The following XKR4 variants were observed in gnomAD, a reference collection of about 807,000 sequenced individuals.
The protein encoded by XKR4 is XK related 4.
XKR4 carries 12 observed loss-of-function variants against 53.9 expected under a neutral mutation model. The ratio of observed to expected loss-of-function variants is 0.22; its 90% confidence interval spans 0.14 to 0.36. The LOEUF (loss-of-function observed/expected upper bound fraction) is 0.36. Among genes scored for constraint, XKR4 ranks in the 10% least tolerant of loss-of-function variants. XKR4 has a pLI of 1.00. For missense variants in XKR4, 799 were observed against 859.5 expected (o/e 0.93, Z 0.88); for synonymous variants, 354 against 362.4 (o/e 0.98, Z 0.26).
chr8:55,451,677 C>G, intron 2 of XKR4: 1 of 1,536,332 alleles, frequency 6.5e-7, no homozygotes, highest in Non-Finnish European at 8.9e-7. Flanking sequence ...GCACGATCAG[C>G]AGCCCCGGGT....
intron 1 of XKR4, among the ~76,000 whole-genome samples, chr8:55,342,956 T>G (rs1017313982): frequency 1.3e-5 from 2 of 150,640 alleles, no homozygotes; most frequent in Non-Finnish European, 1.5e-5. Flanking sequence ...CAACAAATAC[T>G]TGTTGAATGA....
chr8:55,169,195 A>T (rs1308597217), intron 1 of XKR4, among the ~76,000 whole-genome samples: 2 of 152,204 alleles, frequency 1.3e-5, no homozygotes, highest in Non-Finnish European at 2.9e-5. Flanking sequence ...AAGTGTCTTC[A>T]TATGTAGTTT....
At chr8:55,420,032 C>T (rs994689359) in intron 2 of XKR4, among the ~76,000 whole-genome samples, 2 of 152,116 alleles carry the variant, frequency 1.3e-5, no homozygotes, top group African/African-American at 2.4e-5. Context: ...TATAAAAAGC[C>T]TTGGTATATT....
intron 2 of XKR4, among the ~76,000 whole-genome samples, chr8:55,522,840 G>A (rs1313684121): frequency 2.0e-5 from 3 of 152,170 alleles, no homozygotes; most frequent in Non-Finnish European, 4.4e-5. Flanking sequence ...TCACACCCAT[G>A]CTGGGTTTGA....
chr8:55,468,276 G>C (rs903857626), intron 2 of XKR4, among the ~76,000 whole-genome samples: 4 of 152,070 alleles, frequency 2.6e-5, no homozygotes, highest in African/African-American at 7.3e-5. Context: ...CATTCTGTTA[G>C]CTTTCAGGAC....
In XKR4 at chr8:55,171,883, G is replaced by A. The variant is rs115932629; in HGVS notation, c.806+68589G>A. On this transcript the variant is annotated intron_variant, in intron 1 of 2. Coordinates refer to ENST00000327381, the MANE Select transcript of XKR4 (RefSeq NM_052898.2). ...ACCTGCACTATGGCCACTGCTTCCC[G>A]GCTGTCCTTCTTGCCCCACTGCCAG... Among the ~76,000 whole-genome samples the A allele has an allele frequency of 3.7e-3, 568 of 152,136 alleles. 5 individuals carry two copies. The highest frequency in any genetic ancestry group is 0.013 in the African/African-American group (543 of 41,502).
At chr8:55,280,390 G>A (rs1818828323) in intron 1 of XKR4, among the ~76,000 whole-genome samples, 1 of 152,142 alleles carries the variant, frequency 6.6e-6, no homozygotes, top group East Asian at 1.9e-4. Context: ...AGGTTGTGCT[G>A]TTACTTAAAC....
At chr8:55,269,631 A>T (rs1421304540) in intron 1 of XKR4, among the ~76,000 whole-genome samples, 1 of 152,176 alleles carries the variant, frequency 6.6e-6, no homozygotes, top group Non-Finnish European at 1.5e-5. Flanking sequence ...ATGTCATGGT[A>T]AATAACAGCT....
chr8:55,407,817 T>G (rs1481894772), intron 2 of XKR4, among the ~76,000 whole-genome samples: 4 of 152,254 alleles, frequency 2.6e-5, no homozygotes, highest in Non-Finnish European at 5.9e-5. Flanking sequence ...CATATGGGGA[T>G]TTTTGCTTTT....
At position 55,103,045 on chromosome 8, in the gene XKR4, C is replaced by T. The variant is rs1326117158; in HGVS notation, c.557C>T (p.Pro186Leu). The change falls in exon 1 of 3, where the codon CCG becomes CTG. Residue 186 changes from proline to leucine, a missense_variant. Pro to Leu is a moderately conservative substitution (Grantham distance 98, BLOSUM62 -3). Transcript: ENST00000327381. The part of the protein sequence containing the change: ...SATAAAASSC[P>L]QPGADCKTVV... ...ACGGCCGCTGCTGCCTCCAGCTGCC[C>T]GCAGCCTGGAGCCGATTGCAAGACG... 3 of 1,612,638 alleles carry T rather than the reference C, an allele frequency of 1.9e-6. No homozygotes were observed. Among genetic ancestry groups the T allele is most frequent in the African/African-American group, 1.3e-5 (1 of 75,044 alleles).
At chr8:55,210,983 C>T (rs1817722951) in intron 1 of XKR4, among the ~76,000 whole-genome samples, 1 of 152,186 alleles carries the variant, frequency 6.6e-6, no homozygotes, top group Non-Finnish European at 1.5e-5. Context: ...GTGGGCTTGT[C>T]TGGGCAAGTA....
At chr8:55,379,996 G>A (rs1804207671) in intron 2 of XKR4, among the ~76,000 whole-genome samples, 1 of 152,222 alleles carries the variant, frequency 6.6e-6, no homozygotes, top group South Asian at 2.1e-4. Context: ...TTAAGGCATT[G>A]AGCTCAAAGC....
intron 1 of XKR4, among the ~76,000 whole-genome samples, chr8:55,264,708 T>A (rs1818574183): frequency 6.6e-6 from 1 of 152,174 alleles, no homozygotes; most frequent in East Asian, 1.9e-4. Context: ...CACAAAGCAA[T>A]TAATTAGCAT....
At chr8:55,131,660 T>G (rs1816556052) in intron 1 of XKR4, among the ~76,000 whole-genome samples, 1 of 152,196 alleles carries the variant, frequency 6.6e-6, no homozygotes, top group African/African-American at 2.4e-5. Flanking sequence ...ACAAGGCCTT[T>G]GTAAAAGATA....
At chr8:55,236,212 G>A (rs540062660) in intron 1 of XKR4, among the ~76,000 whole-genome samples, 1 of 152,260 alleles carries the variant, frequency 6.6e-6, no homozygotes, top group South Asian at 2.1e-4. Flanking sequence ...CCAGATCCTG[G>A]CAAAACAAAG....
chr8:55,372,078 G>T (rs1488189620), intron 2 of XKR4, among the ~76,000 whole-genome samples: 4 of 152,228 alleles, frequency 2.6e-5, no homozygotes, highest in African/African-American at 4.8e-5. Context: ...CATGGATGTG[G>T]TGGACAGTGT....
At chr8:55,509,124 A>G (rs1161725574) in intron 2 of XKR4, among the ~76,000 whole-genome samples, 9 of 152,176 alleles carry the variant, frequency 5.9e-5, no homozygotes, top group Non-Finnish European at 7.4e-5. Context: ...GTCTTCTAGA[A>G]GGCATAGTTG....
chr8:55,535,571 A>T lies in XKR4; in HGVS notation c.*11344A>T, dbSNP rs961648924. 1 of 152,212 alleles carries T rather than the reference A, an allele frequency of 6.6e-6. No homozygotes were observed. The highest frequency in any genetic ancestry group is 1.9e-4 in the East Asian group (1 of 5,174). The allele number at this position is 152,212 out of a possible 1,614,324, so 9.4% of individuals were successfully genotyped here. On this transcript the variant is annotated 3_prime_UTR_variant, in exon 3 of 3. Transcript: ENST00000327381. ...CAATCGTGGGAATATAGGAGCAATA[A>T]ATAGTCCTCTTAAGCAAGGTTCATG...
At chr8:55,290,130 A>G (rs1274192639) in intron 1 of XKR4, among the ~76,000 whole-genome samples, 2 of 137,904 alleles carry the variant, frequency 1.5e-5, no homozygotes, top group African/African-American at 5.3e-5. Context: ...CTTTAATTTA[A>G]TTTTTTTTTT....
Sources: gnomAD v4.1 joint callset for allele counts (sites outside exome capture counted in the v4.1 genomes callset) on GRCh38, gnomAD v4.1.1 for gene constraint, MANE v1.5 for transcripts, NCBI Gene and HGNC (gene_info 2026-07-23, HGNC 2026-07-21) for gene names.